GULP1: variants seen among roughly 807,000 people sequenced by gnomAD.
GULP1 encodes the protein GULP PTB domain containing engulfment adaptor 1, also known as PTB domain-containing engulfment adapter protein 1.
In GULP1, 19 loss-of-function variants were observed where a neutral mutation model predicts 40.9. The observed-to-expected ratio is 0.46, with a 90% CI of 0.32 to 0.68. The LOEUF (loss-of-function observed/expected upper bound fraction) is 0.68, where lower values mean the gene tolerates loss of function less well. Ranked by LOEUF, GULP1 falls within the 30% of genes least tolerant of loss-of-function variation. The pLI is 0.03. For synonymous variants in GULP1, 119 were observed against 117.6 expected (o/e 1.01, Z -0.08); for missense variants, 312 against 362.2 (o/e 0.86, Z 1.12).
chr2:188,460,587 C>T (rs1296972022), intron 2 of GULP1, among the ~76,000 whole-genome samples: 1 of 152,128 alleles, frequency 6.6e-6, no homozygotes, highest in Non-Finnish European at 1.5e-5. Context: ...AATATCCTTT[C>T]ATCTGCAAAT....
At chr2:188,532,707 G>A (rs541349168) in intron 6 of GULP1, among the ~76,000 whole-genome samples, 66 of 149,870 alleles carry the variant, frequency 4.4e-4, no homozygotes, top group Non-Finnish European at 5.2e-4. Context: ...CATGAGGTCA[G>A]CAGTTTGAGA....
chr2:188,501,682 G>A (rs2063450407), intron 4 of GULP1, among the ~76,000 whole-genome samples: 2 of 151,878 alleles, frequency 1.3e-5, no homozygotes, highest in South Asian at 4.1e-4. Context: ...AAATTGTCAA[G>A]AAGAGTAAAG....
At chr2:188,422,221 A>T (rs903712088) in intron 2 of GULP1, among the ~76,000 whole-genome samples, 2 of 151,262 alleles carry the variant, frequency 1.3e-5, no homozygotes, top group African/African-American at 4.8e-5. Context: ...AATTTTTTTC[A>T]GCCTGAGATT....
At chr2:188,317,797 T>G (rs923451982) in intron 1 of GULP1, among the ~76,000 whole-genome samples, 76 of 90,264 alleles carry the variant, frequency 8.4e-4, no homozygotes, top group African/African-American at 1.3e-3. Flanking sequence ...ATTAGTGAGG[T>G]TTTTTTTTTA....
At chr2:188,528,513 A>C (rs1024010481) in intron 5 of GULP1, among the ~76,000 whole-genome samples, 3 of 152,054 alleles carry the variant, frequency 2.0e-5, no homozygotes, top group Non-Finnish European at 4.4e-5. Context: ...GAAAAAAAAA[A>C]CTGTGCTTTC....
intron 2 of GULP1, among the ~76,000 whole-genome samples, chr2:188,396,773 C>T (rs574356711): frequency 2.5e-4 from 38 of 152,330 alleles, no homozygotes; most frequent in African/African-American, 8.9e-4. Flanking sequence ...CTTCTCTCAA[C>T]CTGCCACAGT....
intron 2 of GULP1, among the ~76,000 whole-genome samples, chr2:188,432,235 C>T (rs565199007): frequency 2.6e-4 from 40 of 151,602 alleles, no homozygotes; most frequent in East Asian, 3.9e-4. Context: ...ATTTAATTTA[C>T]TACAATTTAA....
chr2:188,482,362 C>T (rs545078627), intron 3 of GULP1, among the ~76,000 whole-genome samples: 40 of 152,024 alleles, frequency 2.6e-4, no homozygotes, highest in Middle Eastern at 6.8e-3. Context: ...AATGTTGAAA[C>T]TACTTTGTTA....
chr2:188,336,163 G>GT (rs755876059), intron 1 of GULP1, among the ~76,000 whole-genome samples: 1 of 152,150 alleles, frequency 6.6e-6, no homozygotes, highest in Non-Finnish European at 1.5e-5. Context: ...TAAAACGCAT[G>GT]TTTTTTCCCT....
intron 2 of GULP1, among the ~76,000 whole-genome samples, chr2:188,411,535 T>C (rs116153323): frequency 0.054 from 8,148 of 152,050 alleles, 735 homozygotes; most frequent in African/African-American, 0.18. Context: ...ACAGAAAGGG[T>C]CATCCTACCC....
At chr2:188,548,115 A>G (rs1692458723) in intron 7 of GULP1, among the ~76,000 whole-genome samples, 1 of 152,080 alleles carries the variant, frequency 6.6e-6, no homozygotes, top group African/African-American at 2.4e-5. Flanking sequence ...ACAGCCATAG[A>G]AGCTCTAGCC....
intron 2 of GULP1, among the ~76,000 whole-genome samples, chr2:188,466,176 T>G (rs1295698645): frequency 6.6e-6 from 1 of 152,164 alleles, no homozygotes; most frequent in Non-Finnish European, 1.5e-5. Context: ...GCTTTCTTTT[T>G]GTAGAGCTCT....
At chr2:188,447,869 G>A (rs1239500530) in intron 2 of GULP1, among the ~76,000 whole-genome samples, 1 of 152,094 alleles carries the variant, frequency 6.6e-6, no homozygotes, top group Non-Finnish European at 1.5e-5. Context: ...AATGTGTCTT[G>A]TTTTCTTATT....
chr2:188,504,488 A>G (rs1356643560), intron 4 of GULP1, among the ~76,000 whole-genome samples: 1 of 151,940 alleles, frequency 6.6e-6, no homozygotes, highest in Non-Finnish European at 1.5e-5. Flanking sequence ...TTTGACAGGC[A>G]ACTATGTAGA....
At chr2:188,344,029 G>A (rs545927284) in intron 1 of GULP1, among the ~76,000 whole-genome samples, 83 of 152,068 alleles carry the variant, frequency 5.5e-4, no homozygotes, top group Non-Finnish European at 8.4e-4. Context: ...GGCTGGCCTC[G>A]AACTCCCGAC....
At chr2:188,394,045 C>T (rs2050886205) in intron 2 of GULP1, among the ~76,000 whole-genome samples, 1 of 152,096 alleles carries the variant, frequency 6.6e-6, no homozygotes, top group South Asian at 2.1e-4. Flanking sequence ...GTTCTTTGAT[C>T]TTCTTATATT....
At chr2:188,386,937 G>A (rs1428193282) in intron 2 of GULP1, among the ~76,000 whole-genome samples, 1 of 152,074 alleles carries the variant, frequency 6.6e-6, no homozygotes, top group East Asian at 1.9e-4. Flanking sequence ...TAAGCCTAGA[G>A]GAAAAGTGAA....
intron 4 of GULP1, among the ~76,000 whole-genome samples, chr2:188,505,058 C>T (rs2063775215): frequency 6.6e-6 from 1 of 151,174 alleles, no homozygotes; most frequent in African/African-American, 2.4e-5. Context: ...ATTTTTTAAT[C>T]AGTGAAATTA....
At chr2:188,442,333 T>A (rs1227132573) in intron 2 of GULP1, among the ~76,000 whole-genome samples, 1 of 152,164 alleles carries the variant, frequency 6.6e-6, no homozygotes, top group East Asian at 1.9e-4. Flanking sequence ...GGCACATGAA[T>A]CTTCAGGTCG....
Sources: allele counts gnomAD v4.1 joint callset (sites outside exome capture counted in the v4.1 genomes callset), GRCh38; gene constraint gnomAD v4.1.1; transcripts MANE v1.5; gene names NCBI Gene and HGNC (gene_info 2026-07-23, HGNC 2026-07-21).